The following RBFOX1 variants were observed in gnomAD, a reference collection of about 807,000 sequenced individuals.
The protein encoded by RBFOX1 is RNA binding protein fox-1 homolog 1.
RBFOX1 carries 8 observed loss-of-function variants against 57.7 expected under a neutral mutation model. The observed-to-expected ratio is 0.14, with a 90% CI of 0.08 to 0.25. The LOEUF is 0.25. Ranked by LOEUF, RBFOX1 falls within the 10% of genes least tolerant of loss-of-function variation. The pLI is 1.00. For missense variants in RBFOX1, 611 were observed against 548.5 expected (o/e 1.11, Z -1.14); for synonymous variants, 326 against 222.4 (o/e 1.47, Z -4.15).
At chr16:6,673,385 T>G (rs1168559485) in intron 3 of RBFOX1, among the ~76,000 whole-genome samples, 1 of 151,860 alleles carries the variant, frequency 6.6e-6, no homozygotes, top group African/African-American at 2.4e-5. Context: ...GTCAGGAGTT[T>G]GAGACCAGCC....
chr16:7,021,247 C>T (rs913913681), intron 3 of RBFOX1, among the ~76,000 whole-genome samples: 1 of 151,582 alleles, frequency 6.6e-6, no homozygotes, highest in African/African-American at 2.4e-5. Flanking sequence ...CGTCGGCCCC[C>T]ACCTCATTTG....
intron 2 of RBFOX1, among the ~76,000 whole-genome samples, chr16:6,485,270 G>A (rs879684436): frequency 4.6e-5 from 7 of 152,198 alleles, no homozygotes; most frequent in Non-Finnish European, 1.0e-4. Flanking sequence ...AGAATACTCA[G>A]AGGTTATGAA....
In RBFOX1 at chr16:7,212,021, G is replaced by A. The variant is rs998719792; in HGVS notation, c.27+159923G>A. Among the ~76,000 whole-genome samples the A allele has an allele frequency of 2.6e-5, 4 of 152,074 alleles. No individual in the cohort carries two copies. In the South Asian group the frequency reaches 6.2e-4, roughly 24 times the overall value. On this transcript the variant is annotated intron_variant, in intron 4 of 15. Coordinates refer to ENST00000550418, the MANE Select transcript of RBFOX1 (RefSeq NM_018723.4). The stretch of plus-strand genomic sequence containing the variant: ...CAAATAACCTGCCTTGCCTGGCTGA[G>A]TCACGGTTTCTGGAAAAGTGGGGCC...
intron 3 of RBFOX1, among the ~76,000 whole-genome samples, chr16:5,705,380 G>C (rs2151491170): frequency 6.6e-6 from 1 of 152,196 alleles, no homozygotes; most frequent in Middle Eastern, 3.4e-3. Flanking sequence ...TCCCACCTCA[G>C]CCTCCTGAGT....
chr16:6,869,392 C>G (rs1438184658), intron 3 of RBFOX1, among the ~76,000 whole-genome samples: 2 of 151,922 alleles, frequency 1.3e-5, no homozygotes, highest in East Asian at 1.9e-4. Flanking sequence ...AAACATGGGT[C>G]TTTCAAGCTC....
Position 6,445,234 on chromosome 16 carries a change from T to TA in RBFOX1, c.-64+128177_-64+128178insA, listed in dbSNP as rs561684001. On this transcript the variant is annotated intron_variant, in intron 2 of 15. Coordinates refer to ENST00000550418, the MANE Select transcript of RBFOX1 (RefSeq NM_018723.4). ...TAGCCTGAGATTTTCTTCCTTTTTTTTATATATATAATTTTTTATTATACT... is the reference window on the plus strand; with the variant it reads ...TAGCCTGAGATTTTCTTCCTTTTTTTATATATATATAATTTTTTATTATACT... Among the ~76,000 whole-genome samples, 374 of 152,222 alleles carry TA rather than the reference T, an allele frequency of 2.5e-3. 18 individuals carry two copies. The South Asian group carries it at 0.064, about 26-fold the overall frequency.
chr16:6,457,973 G>T (rs529524326), intron 2 of RBFOX1, among the ~76,000 whole-genome samples: 86 of 151,250 alleles, frequency 5.7e-4, no homozygotes, highest in African/African-American at 2.0e-3. Context: ...AAACAGATGC[G>T]TGTGCACACA....
chr16:6,240,944 C>G (rs557280872), intron 1 of RBFOX1, among the ~76,000 whole-genome samples: 45 of 152,308 alleles, frequency 3.0e-4, no homozygotes, highest in Non-Finnish European at 5.3e-4. Flanking sequence ...CATTGTGTTT[C>G]TACCGACTCA....
intron 1 of RBFOX1, among the ~76,000 whole-genome samples, chr16:5,428,146 G>A (rs74007412): frequency 0.038 from 5,655 of 147,530 alleles, 354 homozygotes; most frequent in African/African-American, 0.13. Flanking sequence ...GTGTGTGTGT[G>A]TATGTGTGTA....
rs377376838 is a variant in RBFOX1, at chr16:7,084,041, G to T, written c.27+31943G>T. ...TAACACTCTCCTGATCATCTTTCAG[G>T]TCATTTACCCTAATCCCACCCGGGG... On this transcript the variant is annotated intron_variant, in intron 4 of 15. Transcript: ENST00000550418. Among the ~76,000 whole-genome samples, 115 of 152,174 alleles carry T rather than the reference G, an allele frequency of 7.6e-4. 5 individuals carry two copies. The South Asian group carries it at 0.023, about 30-fold the overall frequency.
At chr16:7,020,025 C>T (rs77605185) in intron 3 of RBFOX1, among the ~76,000 whole-genome samples, 1,576 of 149,860 alleles carry the variant, frequency 0.011, 27 homozygotes, top group African/African-American at 0.037. Context: ...CTCAGGAAGG[C>T]GTCTGTAGTG....
At chr16:7,684,894 G>C (rs559490809) in intron 14 of RBFOX1, among the ~76,000 whole-genome samples, 2 of 151,914 alleles carry the variant, frequency 1.3e-5, no homozygotes, top group South Asian at 4.2e-4. Context: ...CACTATTTTT[G>C]TTTTCTTCCA....
At chr16:6,309,205 T>G (rs1340549574) in intron 1 of RBFOX1, among the ~76,000 whole-genome samples, 1 of 152,120 alleles carries the variant, frequency 6.6e-6, no homozygotes, top group East Asian at 1.9e-4. Context: ...CTTTTCATAC[T>G]GGGTCTAGCT....
intron 2 of RBFOX1, among the ~76,000 whole-genome samples, chr16:6,420,704 A>G (rs752942459): frequency 6.6e-5 from 10 of 152,180 alleles, no homozygotes; most frequent in East Asian, 1.9e-4. Context: ...TAATTATTTC[A>G]TCACCATTCA....
chr16:6,467,404 A>T (rs138330935), intron 2 of RBFOX1, among the ~76,000 whole-genome samples: 1 of 152,082 alleles, frequency 6.6e-6, no homozygotes, highest in Admixed American at 6.6e-5. Context: ...TATTTTAATA[A>T]TTATTTATGT....
chr16:6,988,874 G>A (rs879569714), intron 3 of RBFOX1, among the ~76,000 whole-genome samples: 1 of 151,708 alleles, frequency 6.6e-6, no homozygotes, highest in East Asian at 1.9e-4. Flanking sequence ...TGGGTTCAGT[G>A]ATTCTCCCTG....
intron 3 of RBFOX1, among the ~76,000 whole-genome samples, chr16:7,035,905 C>G (rs754403314): frequency 2.0e-5 from 3 of 151,792 alleles, no homozygotes; most frequent in Non-Finnish European, 2.9e-5. Context: ...CACACATATA[C>G]AGAGCAACAG....
At chr16:5,759,302 C>T (rs1018188680) in intron 3 of RBFOX1, among the ~76,000 whole-genome samples, 1 of 152,124 alleles carries the variant, frequency 6.6e-6, no homozygotes, top group Non-Finnish European at 1.5e-5. Context: ...TGCTGTTTGC[C>T]CATAGTGGGA....
At position 5,360,084 on chromosome 16, in the gene RBFOX1, C is replaced by T. The variant is rs769406985; in HGVS notation, c.220-107132C>T. Among the ~76,000 whole-genome samples the T allele has an allele frequency of 2.2e-4, 34 of 152,304 alleles. No individual in the cohort carries two copies. In the Middle Eastern group the frequency reaches 0.01, roughly 46 times the overall value. On this transcript the variant is annotated intron_variant, in intron 1 of 2. Transcript: ENST00000585867. Reference sequence around the variant, plus strand: ...CAAAGGTTGGGTAGTCACTGTCTTGCGGAATAAATCACTGTCCTGTTCCTT... The same window carrying T: ...CAAAGGTTGGGTAGTCACTGTCTTGTGGAATAAATCACTGTCCTGTTCCTT...
Sources: allele counts gnomAD v4.1 joint callset (sites outside exome capture counted in the v4.1 genomes callset), GRCh38; gene constraint gnomAD v4.1.1; transcripts MANE v1.5; gene names NCBI Gene and HGNC (gene_info 2026-07-23, HGNC 2026-07-21).